Variants in COL26A1 observed in about 807,000 individuals in gnomAD.
COL26A1 encodes collagen type XXVI alpha 1 chain, also known as collagen alpha-1(XXVI) chain.
A neutral mutation model predicts 59.3 loss-of-function variants in COL26A1; 41 were observed. The observed-to-expected ratio is 0.69, with a 90% confidence interval of 0.54 to 0.90. COL26A1 has a LOEUF of 0.90. Ranked by LOEUF, COL26A1 falls within the 40% of genes least tolerant of loss-of-function variation. The pLI is 0.00. For missense variants in COL26A1, 612 were observed against 602.3 expected (o/e 1.02, Z -0.17); for synonymous variants, 266 against 256.0 (o/e 1.04, Z -0.37).
chr7:101,385,250 T>TAC (rs1268606163), intron 1 of COL26A1, among the ~76,000 whole-genome samples: 47 of 147,818 alleles, frequency 3.2e-4, no homozygotes, highest in Middle Eastern at 3.5e-3. Flanking sequence ...TATATATATA[T>TAC]ACACACACAC....
intron 1 of COL26A1, among the ~76,000 whole-genome samples, chr7:101,393,368 G>T (rs921129093): frequency 6.6e-6 from 1 of 152,152 alleles, no homozygotes; most frequent in African/African-American, 2.4e-5. Flanking sequence ...AGAAATTGGA[G>T]TTGGATGTTT....
chr7:101,458,579 TAAGTGAGCC>T (rs1793533497), intron 3 of COL26A1, among the ~76,000 whole-genome samples: 1 of 151,900 alleles, frequency 6.6e-6, no homozygotes, highest in East Asian at 1.9e-4. Flanking sequence ...TAGAGTGATC[TAAGTGAGCC>T]AAGTGAGCCA....
intron 3 of COL26A1, among the ~76,000 whole-genome samples, chr7:101,470,918 T>C (rs1454614090): frequency 6.6e-6 from 1 of 152,070 alleles, no homozygotes; most frequent in Non-Finnish European, 1.5e-5. Context: ...CCAGCAGGGA[T>C]CACCTCACTT....
At chr7:101,472,603 A>G (rs944145936) in intron 3 of COL26A1, among the ~76,000 whole-genome samples, 3 of 152,198 alleles carry the variant, frequency 2.0e-5, no homozygotes, top group Non-Finnish European at 4.4e-5. Flanking sequence ...GGTGAGGACC[A>G]TGTAGCTCAG....
At chr7:101,537,944 C>T (rs1795515094) in intron 4 of COL26A1, among the ~76,000 whole-genome samples, 1 of 151,792 alleles carries the variant, frequency 6.6e-6, no homozygotes. Flanking sequence ...GCCAACTTAT[C>T]ACCTTCACTC....
At chr7:101,481,680 G>GCCTCAAGCAATCCT (rs1284713194) in intron 3 of COL26A1, among the ~76,000 whole-genome samples, 1 of 151,366 alleles carries the variant, frequency 6.6e-6, no homozygotes, top group African/African-American at 2.4e-5. Context: ...TGACCTCCTG[G>GCCTCAAGCAATCCT]CCTCAAGCAA....
At chr7:101,413,281 G>A (rs986888945) in intron 1 of COL26A1, among the ~76,000 whole-genome samples, 2 of 152,206 alleles carry the variant, frequency 1.3e-5, no homozygotes, top group African/African-American at 2.4e-5. Context: ...CACTTTGGGA[G>A]GCTAAGGCAG....
In COL26A1 at chr7:101,539,904, A is replaced by G. The variant is rs772876925; in HGVS notation, c.459A>G (p.Leu153=). ...LTTLEAKVLL[L]EAAERPSSPD... ...CTCCTTTGGCCCAGGTCCTCCTGCTAGAAGCAGCAGAACGGCCCTCCAGCC... is the reference window on the plus strand; with the variant it reads ...CTCCTTTGGCCCAGGTCCTCCTGCTGGAAGCAGCAGAACGGCCCTCCAGCC... The change falls in exon 5 of 13, where the codon CTA becomes CTG. Residue 153 remains leucine (L), a synonymous_variant. Coordinates refer to ENST00000313669, the MANE Select transcript of COL26A1 (RefSeq NM_001278563.3). 7 of 1,611,690 alleles carry G rather than the reference A, an allele frequency of 4.3e-6. No individual in the cohort carries two copies. The highest frequency in any genetic ancestry group is 5.9e-6 in the Non-Finnish European group (7 of 1,179,004).
At chr7:101,546,989 C>T (rs1207352131) in intron 7 of COL26A1, among the ~76,000 whole-genome samples, 167 bp from the exon 8 acceptor site, 1 of 152,204 alleles carries the variant, frequency 6.6e-6, no homozygotes, top group Non-Finnish European at 1.5e-5. Flanking sequence ...CCTCTCCGTG[C>T]TCCTCTGAGC....
At chr7:101,448,578 G>A (rs570621670) in intron 3 of COL26A1, among the ~76,000 whole-genome samples, 5 of 151,628 alleles carry the variant, frequency 3.3e-5, no homozygotes, top group Non-Finnish European at 5.9e-5. Flanking sequence ...CTGCAGCCTC[G>A]AACTCCTGGG....
chr7:101,387,561 AT>A (rs535776289), intron 1 of COL26A1, among the ~76,000 whole-genome samples: 8 of 144,464 alleles, frequency 5.5e-5, no homozygotes, highest in Admixed American at 1.4e-4. Context: ...TTTTATTTTT[AT>A]TTTTTTTTGA....
At chr7:101,384,230 G>GTTTTTTTT (rs35085221) in intron 1 of COL26A1, among the ~76,000 whole-genome samples, 1 of 105,682 alleles carries the variant, frequency 9.5e-6, no homozygotes, top group African/African-American at 3.9e-5. Flanking sequence ...GTTCAGGCTG[G>GTTTTTTTT]TTTTTTTTTT....
At chr7:101,477,813 G>A (rs1469732652) in intron 3 of COL26A1, among the ~76,000 whole-genome samples, 1 of 152,112 alleles carries the variant, frequency 6.6e-6, no homozygotes, top group African/African-American at 2.4e-5. Context: ...TGCCATTGTG[G>A]GAGGGGTGTT....
At position 101,557,484 on chromosome 7, in the gene COL26A1, C is replaced by A; in HGVS notation, c.1280C>A (p.Pro427His). 1 of 1,613,788 alleles carries A rather than the reference C, an allele frequency of 6.2e-7. No homozygotes were observed. Among genetic ancestry groups the A allele is most frequent in the Non-Finnish European group, 8.5e-7 (1 of 1,179,804 alleles). Residue 427 changes from proline to histidine, a missense_variant, in exon 13 of 13, where the codon CCC (proline) becomes CAC (histidine). Pro to His is a moderately conservative substitution (Grantham distance 77). Transcript: ENST00000313669. ...PDGVLAALLG[P>H]DPGQKSVDQA... ...GGGGTCCTTGCTGCCCTGCTTGGGC[C>A]CGACCCTGGACAGAAGAGCGTGGAC...
chr7:101,526,038 CT>C (rs2130622734), intron 3 of COL26A1, among the ~76,000 whole-genome samples: 1 of 152,054 alleles, frequency 6.6e-6, no homozygotes, highest in Non-Finnish European at 1.5e-5. Flanking sequence ...TTTTCTTTTT[CT>C]TTTCTTTTCC....
At chr7:101,462,420 A>G (rs4639447) in intron 3 of COL26A1, among the ~76,000 whole-genome samples, 66,704 of 151,576 alleles carry the variant, frequency 0.44, 15,437 homozygotes, top group Middle Eastern at 0.54. Context: ...GGGTTCAAGC[A>G]ATTCTCCTGC....
intron 3 of COL26A1, among the ~76,000 whole-genome samples, chr7:101,492,929 G>A (rs887435923): frequency 8.6e-5 from 13 of 151,530 alleles, no homozygotes; most frequent in Non-Finnish European, 1.3e-4. Context: ...GTCTTGCTGT[G>A]TTGCCCAGGC....
At chr7:101,381,333 C>T (rs570787958) in intron 1 of COL26A1, among the ~76,000 whole-genome samples, 66 of 151,996 alleles carry the variant, frequency 4.3e-4, no homozygotes, top group Non-Finnish European at 8.2e-4. Context: ...TTTGATCTTC[C>T]TGCCTCTCTC....
At chr7:101,481,174 A>G (rs566867776) in intron 3 of COL26A1, among the ~76,000 whole-genome samples, 2 of 152,126 alleles carry the variant, frequency 1.3e-5, no homozygotes, top group African/African-American at 4.8e-5. Flanking sequence ...ATCAGCAGAC[A>G]GTTTTCTAGC....
Sources: gnomAD v4.1 joint callset for allele counts (sites outside exome capture counted in the v4.1 genomes callset) on GRCh38, gnomAD v4.1.1 for gene constraint, MANE v1.5 for transcripts, NCBI Gene and HGNC (gene_info 2026-07-23, HGNC 2026-07-21) for gene names.